C1D: variants seen among roughly 807,000 people sequenced by gnomAD.
The protein encoded by C1D is nuclear nucleic acid-binding protein C1D.
A neutral mutation model predicts 17.5 loss-of-function variants in C1D; 10 were observed. That is an observed-to-expected ratio of 0.57 (90% confidence interval 0.35 to 0.97). The LOEUF is 0.97. C1D is among the 50% of genes least tolerant of loss of function. The probability of loss-of-function intolerance (pLI) is 0.01; values close to 1 mark genes in which losing one functional copy is unlikely to be tolerated. For missense variants in C1D, 136 were observed against 160.1 expected (o/e 0.85, Z 0.81); for synonymous variants, 49 against 54.0 (o/e 0.91, Z 0.40).
chr2:68,046,297 A>G, intron 3 of C1D, 47 bp downstream of exon 3: 1 of 1,327,424 alleles, frequency 7.5e-7, no homozygotes, highest in South Asian at 1.2e-5. Context: ...CATCTTTCAC[A>G]CAATAAGTAA....
intron 1 of C1D, among the ~76,000 whole-genome samples, chr2:68,056,123 T>C (rs1001690514): frequency 9.9e-5 from 15 of 152,240 alleles, no homozygotes; most frequent in African/African-American, 3.6e-4. Context: ...ATTTCAAGAG[T>C]ATCACAAAAA....
intron 1 of C1D, among the ~76,000 whole-genome samples, chr2:68,059,480 A>G (rs954373336): frequency 6.6e-6 from 1 of 152,132 alleles, no homozygotes; most frequent in African/African-American, 2.4e-5. Flanking sequence ...CTCCCAAACA[A>G]AAGTGGTCTC....
intron 1 of C1D, among the ~76,000 whole-genome samples, chr2:68,049,305 A>G (rs1671217415): frequency 6.6e-6 from 1 of 152,144 alleles, no homozygotes; most frequent in East Asian, 1.9e-4. Flanking sequence ...CCAAGAACAG[A>G]GCCATAAGCG....
At chr2:68,057,112 T>C (rs889038816) in intron 1 of C1D, among the ~76,000 whole-genome samples, 8 of 152,214 alleles carry the variant, frequency 5.3e-5, no homozygotes, top group African/African-American at 1.7e-4. Flanking sequence ...ATATATTAAG[T>C]GAACAAAAGT....
In C1D at chr2:68,044,821, A is replaced by G. The variant is rs146537978; in HGVS notation, c.261+1167T>C. ...ACTTCAAAAGTAGATTCTGAGGTAG[A>G]AAGAAAACAAATGACCTTGTCCTTT... On this transcript the variant is annotated intron_variant, in intron 4 of 4. Transcript: ENST00000410067. Among the ~76,000 whole-genome samples, 583 of 152,330 alleles carry G rather than the reference A, an allele frequency of 3.8e-3. 1 individual carries two copies. The highest frequency in any genetic ancestry group is 0.013 in the African/African-American group (543 of 41,578).
intron 1 of C1D, among the ~76,000 whole-genome samples, chr2:68,056,057 G>C (rs2103812529): frequency 6.6e-6 from 1 of 152,290 alleles, no homozygotes; most frequent in Non-Finnish European, 1.5e-5. Context: ...AGTCTCAAAT[G>C]AAGTTTGTAT....
At chr2:68,055,237 T>G (rs1671405535) in intron 1 of C1D, among the ~76,000 whole-genome samples, 1 of 152,130 alleles carries the variant, frequency 6.6e-6, no homozygotes, top group East Asian at 1.9e-4. Flanking sequence ...ATGCACATAT[T>G]ATGAACCTCC....
intron 1 of C1D, among the ~76,000 whole-genome samples, chr2:68,055,500 AAGAC>A (rs1459908255): frequency 1.3e-5 from 2 of 152,340 alleles, no homozygotes; most frequent in South Asian, 2.1e-4. Flanking sequence ...TGGGGGAAGA[AAGAC>A]AGAGGAAGAA....
intron 1 of C1D, 139 bp downstream of exon 1, chr2:68,062,819 G>C (rs373556252): frequency 6.6e-6 from 1 of 152,358 alleles, no homozygotes; most frequent in East Asian, 1.9e-4. Flanking sequence ...AGCTGTGAGA[G>C]ACTGCATTCC....
At position 68,046,400 on chromosome 2, in the gene C1D, A is replaced by G. The variant is rs755719262; in HGVS notation, c.149T>C (p.Leu50Pro). ...RNELLQKLDP[L>P]EQAKVDLVSA... ...AACCAAATCCACTTTTGCTTGTTCA[A>G]GTGGATCCAACTGTTAAAAAAGAAA... The change falls in exon 3 of 5, where the codon CTT becomes CCT. Residue 50 changes from leucine to proline, a missense_variant. Transcript: ENST00000410067. The G allele has an allele frequency of 8.7e-6, 14 of 1,610,462 alleles. No individual in the cohort carries two copies. Among genetic ancestry groups the G allele is most frequent in the Non-Finnish European group, 1.2e-5 (14 of 1,177,460 alleles).
Position 68,041,723 on chromosome 2 carries a change from T to C in C1D, c.*1166A>G, listed in dbSNP as rs994898823. On this transcript the variant is annotated 3_prime_UTR_variant, in exon 5 of 5. Transcript: ENST00000410067. ...AAATCCATTTATTCAAGGTTACTTATGGAGAATTAATCACACAGAAAATTT... is the reference window on the plus strand; with the variant it reads ...AAATCCATTTATTCAAGGTTACTTACGGAGAATTAATCACACAGAAAATTT... 3 of 152,070 alleles carry C rather than the reference T, an allele frequency of 2.0e-5. No homozygotes were observed. The highest frequency in any genetic ancestry group is 4.8e-5 in the African/African-American group (2 of 41,454). 9.4% of individuals were successfully genotyped at this position (152,070 alleles called of 1,614,324 possible).
At chr2:68,046,459 A>G (rs752695968) in intron 2 of C1D, 49 bp from the exon 3 acceptor site, 18 of 1,308,816 alleles carry the variant, frequency 1.4e-5, no homozygotes, top group Non-Finnish European at 2.2e-6. Flanking sequence ...AGACAGAAAA[A>G]AAATACACAA....
intron 1 of C1D, among the ~76,000 whole-genome samples, 165 bp downstream of exon 1, chr2:68,062,793 T>A (rs184224239): frequency 3.3e-5 from 5 of 152,084 alleles, no homozygotes; most frequent in African/African-American, 9.6e-5. Context: ...CTGCCAACAA[T>A]GCTGCCCCAA....
rs1289887617 is a variant in C1D, at chr2:68,046,652, G to A, written c.139-242C>T. On this transcript the variant is annotated intron_variant, in intron 2 of 4. Coordinates refer to ENST00000410067, the MANE Select transcript of C1D (RefSeq NM_173177.3). ...AGGGTATCATCTTTAGTTAGACAAG[G>A]AAAGTGCATAACCCAAGAAAAATTC... The A allele has an allele frequency of 1.4e-5, 6 of 434,202 alleles. No individual in the cohort carries two copies. In the East Asian group the frequency reaches 2.0e-4, roughly 14 times the overall value. The allele number at this position is 434,202 out of a possible 1,614,324, so 26.9% of individuals were successfully genotyped here.
intron 1 of C1D, among the ~76,000 whole-genome samples, chr2:68,052,563 G>A (rs1671321406): frequency 6.6e-6 from 1 of 151,920 alleles, no homozygotes; most frequent in South Asian, 2.1e-4. Flanking sequence ...ATTATTCCCT[G>A]TCCCTAAGCC....
chr2:68,054,154 G>A (rs1671366430), intron 1 of C1D, among the ~76,000 whole-genome samples: 1 of 152,158 alleles, frequency 6.6e-6, no homozygotes, highest in Non-Finnish European at 1.5e-5. Context: ...GTTTCAGCTT[G>A]CCATCAACTC....
At position 68,042,951 on chromosome 2, in the gene C1D, G is replaced by A. The variant is rs368639535; in HGVS notation, c.364C>T (p.Leu122Phe). 2.0e-5 allele frequency: 32 copies of A among 1,609,462 alleles called. No homozygotes were observed. The highest frequency in any genetic ancestry group is 2.6e-5 in the Non-Finnish European group (31 of 1,177,748). The change falls in exon 5 of 5, where the codon CTC becomes TTC. Residue 122 changes from leucine (L) to phenylalanine (F), a missense_variant. Coordinates refer to ENST00000410067, the MANE Select transcript of C1D (RefSeq NM_173177.3). The stretch of plus-strand genomic sequence containing the variant: ...GCATTTTTCGATTTTGGTTCCCAGA[G>A]GGCATTTTTTACAAATCTTGAAGCT... ...GAASRFVKNA[L>F]WEPKSKNASK...
rs147952218 is a variant in C1D at position 68,047,227 on chromosome 2, C to G, written c.84G>C (p.Val28=). 1.6e-5 allele frequency: 26 copies of G among 1,612,144 alleles called. No individual in the cohort carries two copies. In the African/African-American group the frequency reaches 2.8e-4, roughly 17 times the overall value. ...ACATCATGGTCTTCAGCATCTCATC[C>G]ACAGCACCAATGGAATTCTCAAACG... ...LSAFENSIGA[V]DEMLKTMMSV... The change falls in exon 2 of 5, where the codon GTG becomes GTC. Residue 28 remains valine, a synonymous_variant. Coordinates refer to ENST00000410067, the MANE Select transcript of C1D (RefSeq NM_173177.3).
chr2:68,047,920 T>C (rs1671177870), intron 1 of C1D, among the ~76,000 whole-genome samples: 2 of 152,186 alleles, frequency 1.3e-5, no homozygotes, highest in South Asian at 2.1e-4. Flanking sequence ...AAACATGTAT[T>C]TTAGTCCTTC....
Sources: allele counts gnomAD v4.1 joint callset (sites outside exome capture counted in the v4.1 genomes callset), GRCh38; gene constraint gnomAD v4.1.1; transcripts MANE v1.5; gene names NCBI Gene and HGNC (gene_info 2026-07-23, HGNC 2026-07-21).